RELN: variants seen among roughly 807,000 people sequenced by gnomAD.
RELN encodes the protein reelin.
Under a neutral mutation model 427.6 loss-of-function variants are expected in RELN, and 108 were observed. The ratio of observed to expected loss-of-function variants is 0.25; its 90% CI spans 0.22 to 0.30. The LOEUF is 0.30. RELN is among the 10% of genes least tolerant of loss of function. The pLI, the probability that RELN is intolerant of heterozygous loss-of-function variation, is 1.00. For missense variants in RELN, 3,715 were observed against 4,302.8 expected (o/e 0.86, Z 3.82); for synonymous variants, 1,524 against 1,513.4 (o/e 1.01, Z -0.16).
chr7:103,473,273 AC>A (rs1183817906), intron 64 of RELN, among the ~76,000 whole-genome samples: 3 of 152,226 alleles, frequency 2.0e-5, no homozygotes, highest in African/African-American at 7.2e-5. Flanking sequence ...TGTGCTCTAT[AC>A]CCATTGCCTT....
At chr7:103,827,361 A>C (rs892687819) in intron 3 of RELN, among the ~76,000 whole-genome samples, 2 of 151,916 alleles carry the variant, frequency 1.3e-5, no homozygotes, top group Non-Finnish European at 2.9e-5. Context: ...AAGAGGGGGG[A>C]AAATGAAGGG....
At position 103,476,769 on chromosome 7, in the gene RELN, T is replaced by C. The variant is rs1222997835; in HGVS notation, c.10286+1620A>G. 8.1e-6 allele frequency: 3 copies of C among 370,770 alleles called. 1 individual carries two copies. The highest frequency in any genetic ancestry group is 5.7e-5 in the Admixed American group (2 of 34,886). 23.0% of individuals were successfully genotyped at this position (370,770 alleles called of 1,614,324 possible). Reference sequence around the variant, plus strand: ...GGGAATTAGGGGAATTTTTAACATTTATCTTATATTTACTCATTTTTTGGT... The same window carrying C: ...GGGAATTAGGGGAATTTTTAACATTCATCTTATATTTACTCATTTTTTGGT... On this transcript the variant is annotated intron_variant, in intron 64 of 64. Coordinates refer to ENST00000428762, the MANE Select transcript of RELN (RefSeq NM_005045.4).
intron 1 of RELN, among the ~76,000 whole-genome samples, chr7:103,924,633 C>T (rs1052054788): frequency 4.6e-5 from 7 of 152,088 alleles, no homozygotes; most frequent in Non-Finnish European, 1.0e-4. Flanking sequence ...AGGAGGGGTA[C>T]AGCATCTCTG....
intron 1 of RELN, among the ~76,000 whole-genome samples, chr7:103,964,940 G>A (rs1219389987): frequency 6.6e-6 from 1 of 152,150 alleles, no homozygotes; most frequent in African/African-American, 2.4e-5. Context: ...TACTGTTTCT[G>A]AACTTCTGTT....
At chr7:103,807,698 G>C (rs372560339) in intron 3 of RELN, among the ~76,000 whole-genome samples, 69 of 152,238 alleles carry the variant, frequency 4.5e-4, no homozygotes, top group East Asian at 3.1e-3. Flanking sequence ...CCACTTGTAA[G>C]TGACAACATG....
chr7:103,838,240 A>T (rs1793462224), intron 2 of RELN, among the ~76,000 whole-genome samples: 1 of 148,522 alleles, frequency 6.7e-6, no homozygotes. Context: ...AAAAAGAAGT[A>T]ATTTCTGAAT....
rs111396789 is a variant in RELN at position 103,946,121 on chromosome 7, C to T, written c.227-28936G>A. 1.0e-2 allele frequency among the ~76,000 whole-genome samples: 1,520 copies of T among 152,284 alleles called. 24 individuals carry two copies. Among genetic ancestry groups the T allele is most frequent in the African/African-American group, 0.035 (1,458 of 41,550 alleles). ...CTGACTGTGTTTGCCTTGTTCAGTG[C>T]TACTGTTTTCCCAGTGCTGAGCGCA... On this transcript the variant is annotated intron_variant, in intron 1 of 64. Transcript: ENST00000428762.
intron 8 of RELN, among the ~76,000 whole-genome samples, chr7:103,720,459 G>C (rs1245932014): frequency 6.6e-6 from 1 of 152,004 alleles, no homozygotes; most frequent in Non-Finnish European, 1.5e-5. Context: ...CTAGAAAACT[G>C]CTTGAATCAT....
intron 61 of RELN, 112 bp from the exon 62 acceptor site, chr7:103,483,962 G>C (rs1012236943): frequency 9.4e-7 from 1 of 1,066,772 alleles, no homozygotes. Flanking sequence ...TCACTACAAC[G>C]TCTGCCTACT....
At chr7:103,672,241 C>T (rs1562950252) in intron 11 of RELN, among the ~76,000 whole-genome samples, 1 of 152,076 alleles carries the variant, frequency 6.6e-6, no homozygotes, top group African/African-American at 2.4e-5. Flanking sequence ...GGTTCTCTCT[C>T]TTGGGAACAA....
At chr7:103,576,527 A>T (rs545071009) in intron 28 of RELN, among the ~76,000 whole-genome samples, 95 of 152,318 alleles carry the variant, frequency 6.2e-4, no homozygotes, top group South Asian at 1.7e-3. Flanking sequence ...CCATTATTTT[A>T]CTCAATTAAT....
intron 3 of RELN, among the ~76,000 whole-genome samples, chr7:103,804,847 T>A (rs1348375087): frequency 6.6e-6 from 1 of 152,196 alleles, no homozygotes; most frequent in Non-Finnish European, 1.5e-5. Context: ...TCTCCATTTT[T>A]CTTTTGCTAG....
intron 10 of RELN, among the ~76,000 whole-genome samples, chr7:103,684,122 A>G (rs1833711953): frequency 6.6e-6 from 1 of 152,150 alleles, no homozygotes; most frequent in Non-Finnish European, 1.5e-5. Flanking sequence ...TTTGAGAGCA[A>G]CGGGTGTACT....
intron 1 of RELN, among the ~76,000 whole-genome samples, chr7:103,966,854 G>A (rs1192846970): frequency 6.6e-6 from 1 of 152,102 alleles, no homozygotes; most frequent in Non-Finnish European, 1.5e-5. Flanking sequence ...ACTTCACATG[G>A]GAACTTGCAC....
At chr7:103,700,701 G>A (rs1229994905) in intron 9 of RELN, among the ~76,000 whole-genome samples, 6 of 152,134 alleles carry the variant, frequency 3.9e-5, no homozygotes, top group African/African-American at 9.7e-5. Context: ...CTGCTGATGG[G>A]AGGAAGTTCT....
intron 2 of RELN, among the ~76,000 whole-genome samples, chr7:103,839,503 G>A (rs1793500605): frequency 6.6e-6 from 1 of 151,782 alleles, no homozygotes; most frequent in East Asian, 1.9e-4. Flanking sequence ...GCTCTACGGA[G>A]GTATATAAAA....
intron 57 of RELN, among the ~76,000 whole-genome samples, chr7:103,494,925 C>A (rs1170838606): frequency 1.3e-5 from 2 of 151,674 alleles, no homozygotes; most frequent in South Asian, 4.2e-4. Context: ...ACATAATAGG[C>A]ATGGAGTAAG....
chr7:103,909,564 G>A (rs751115940), intron 2 of RELN, among the ~76,000 whole-genome samples: 27 of 141,224 alleles, frequency 1.9e-4, no homozygotes, highest in East Asian at 2.0e-4. Context: ...CTCAGATTGC[G>A]CCACTGCACT....
At chr7:103,691,576 G>A (rs1329630974) in intron 10 of RELN, among the ~76,000 whole-genome samples, 1 of 152,102 alleles carries the variant, frequency 6.6e-6, no homozygotes, top group African/African-American at 2.4e-5. Flanking sequence ...ACTTTAAGAG[G>A]CTGAGGTGGG....
Sources: allele counts gnomAD v4.1 joint callset (sites outside exome capture counted in the v4.1 genomes callset), GRCh38; gene constraint gnomAD v4.1.1; transcripts MANE v1.5; gene names NCBI Gene and HGNC (gene_info 2026-07-23, HGNC 2026-07-21).